The following ZNHIT6 variants were observed in gnomAD, a reference collection of about 807,000 sequenced individuals.
ZNHIT6 encodes the protein box C/D snoRNA protein 1.
A neutral mutation model predicts 57.2 loss-of-function variants in ZNHIT6; 45 were observed. That is an observed-to-expected ratio of 0.79 (90% CI 0.62 to 1.01). The LOEUF (loss-of-function observed/expected upper bound fraction) is 1.01. Among genes scored for constraint, ZNHIT6 ranks in the 50% least tolerant of loss-of-function variants. The pLI is 0.00. For synonymous variants in ZNHIT6, 188 were observed against 190.0 expected (o/e 0.99, Z 0.09); for missense variants, 528 against 567.3 (o/e 0.93, Z 0.70).
rs1429921905 is a variant in ZNHIT6, at chr1:85,706,484, T to G, written c.680A>C (p.Glu227Ala). The change falls in exon 2 of 10, where the codon GAA becomes GCA. Residue 227 changes from glutamate (E) to alanine (A), a missense_variant. By Grantham distance (107) the Glu-to-Ala change is moderately radical. Coordinates refer to ENST00000370574, the MANE Select transcript of ZNHIT6 (RefSeq NM_017953.4). ...ACAACGTGGACATCTGTACTTTGCT[T>G]CTTCTGTACCACAAGTCTCACACCT... ...MSRCETCGTEEAKYRCPRCMR... is the reference protein window; with the variant it reads ...MSRCETCGTEAAKYRCPRCMR... 6.3e-7 allele frequency: 1 copy of G among 1,587,650 alleles called. No individual in the cohort carries two copies. Among genetic ancestry groups the G allele is most frequent in the African/African-American group, 1.4e-5 (1 of 73,142 alleles).
intron 5 of ZNHIT6, among the ~76,000 whole-genome samples, chr1:85,694,824 A>G (rs1470905338): frequency 6.6e-6 from 1 of 152,216 alleles, no homozygotes; most frequent in Non-Finnish European, 1.5e-5. Flanking sequence ...TATAAAATTC[A>G]AAGTTAGGGG....
chr1:85,683,606 C>T (rs1157049648), intron 5 of ZNHIT6, among the ~76,000 whole-genome samples: 5 of 151,668 alleles, frequency 3.3e-5, no homozygotes, highest in Admixed American at 2.0e-4. Flanking sequence ...GCTGAAATTA[C>T]TGTAAGTCCT....
At position 85,702,185 on chromosome 1, in the gene ZNHIT6, T is replaced by C; in HGVS notation, c.991A>G (p.Lys331Glu). Reference sequence around the variant, plus strand: ...TTATCAAAAAAGGTTGAATTCTCCTTCCTCTTGGTGAATCCATTGGGTAGA... The same window carrying C: ...TTATCAAAAAAGGTTGAATTCTCCTCCCTCTTGGTGAATCCATTGGGTAGA... The part of the protein sequence containing the change: ...KLLPNGFTKR[K>E]ENSTFFDKKK... The change falls in exon 5 of 10, where the codon AAG becomes GAG. Residue 331 changes from lysine to glutamate, a missense_variant. Transcript: ENST00000370574. 1.9e-6 allele frequency: 3 copies of C among 1,607,356 alleles called. No homozygotes were observed. Among genetic ancestry groups the C allele is most frequent in the Non-Finnish European group, 2.5e-6 (3 of 1,178,228 alleles).
intron 5 of ZNHIT6, among the ~76,000 whole-genome samples, chr1:85,694,156 C>T (rs991145540): frequency 6.6e-6 from 1 of 152,124 alleles, no homozygotes; most frequent in Admixed American, 6.5e-5. Context: ...CTGGATTATA[C>T]AGGTGCATGT....
chr1:85,673,926 C>A (rs1053634695), intron 8 of ZNHIT6, among the ~76,000 whole-genome samples: 1 of 152,130 alleles, frequency 6.6e-6, no homozygotes, highest in Non-Finnish European at 1.5e-5. Flanking sequence ...CTTATGACTA[C>A]AAAATACTTA....
At chr1:85,665,741 T>C (rs1297293150) in intron 8 of ZNHIT6, among the ~76,000 whole-genome samples, 4 of 152,200 alleles carry the variant, frequency 2.6e-5, no homozygotes, top group African/African-American at 9.6e-5. Flanking sequence ...GTCTCATCAG[T>C]ACAGACTCTT....
chr1:85,683,330 C>A (rs933566970), intron 5 of ZNHIT6, among the ~76,000 whole-genome samples: 16 of 152,030 alleles, frequency 1.1e-4, no homozygotes, highest in African/African-American at 3.9e-4. Context: ...CATCCTGGCT[C>A]ACATGGTGAA....
chr1:85,673,059 G>C (rs978635826), intron 8 of ZNHIT6, among the ~76,000 whole-genome samples: 3 of 152,118 alleles, frequency 2.0e-5, no homozygotes, highest in African/African-American at 7.2e-5. Flanking sequence ...GGCTTTTCTA[G>C]TCCAAAACCA....
chr1:85,687,296 A>C (rs1193350614), intron 5 of ZNHIT6, among the ~76,000 whole-genome samples: 1 of 132,894 alleles, frequency 7.5e-6, no homozygotes, highest in Non-Finnish European at 1.6e-5. Flanking sequence ...AACAAAAAAA[A>C]AACAAAAAAA....
chr1:85,704,227 T>C (rs993201160), intron 4 of ZNHIT6, among the ~76,000 whole-genome samples: 6 of 152,184 alleles, frequency 3.9e-5, no homozygotes, highest in South Asian at 4.1e-4. Context: ...TCTAGGCAAA[T>C]TGAAGATATG....
In ZNHIT6 at chr1:85,650,894, C is replaced by G. The variant is rs1037971804; in HGVS notation, c.*3164G>C. The G allele has an allele frequency of 6.6e-6, 1 of 152,186 alleles. No homozygotes were observed. Among genetic ancestry groups the G allele is most frequent in the Non-Finnish European group, 1.5e-5 (1 of 68,032 alleles). The allele number at this position is 152,186 out of a possible 1,614,324, so 9.4% of individuals were successfully genotyped here. A position where few individuals can be genotyped will look rare whatever the true frequency, so the allele number is the denominator to read the frequency against. ...GTGGGATCTATCTGCCCCCATGACC[C>G]AAACACCTTCCATTAGGCTCTGCCT... On this transcript the variant is annotated 3_prime_UTR_variant, in exon 10 of 10. Transcript: ENST00000370574.
Position 85,654,060 on chromosome 1 carries a change from A to G in ZNHIT6, c.1411T>C (p.Ter471ArgextTer40). 1.9e-6 allele frequency: 3 copies of G among 1,612,474 alleles called. No homozygotes were observed. Among genetic ancestry groups the G allele is most frequent in the Non-Finnish European group, 2.5e-6 (3 of 1,179,262 alleles). Residue 471 changes from the stop codon to arginine (R), a stop_lost, in exon 10 of 10, where the codon TGA (stop) becomes CGA (arginine). Transcript: ENST00000370574. ...CTTTCTTCTTCCAGAAAAAATGCTC[A>G]ATTTTCATTGCCAACGTTCTTGGTA... is the stretch of plus-strand genomic sequence containing the variant. ...ESTKNVGNEN[*>R]
At chr1:85,693,034 A>G (rs1314812041) in intron 5 of ZNHIT6, among the ~76,000 whole-genome samples, 1 of 152,208 alleles carries the variant, frequency 6.6e-6, no homozygotes, top group Non-Finnish European at 1.5e-5. Context: ...ACACAGAGCT[A>G]AAGAACCCTA....
chr1:85,654,004 A>C lies in ZNHIT6; in HGVS notation c.*54T>G. On this transcript the variant is annotated 3_prime_UTR_variant, in exon 10 of 10. Coordinates refer to ENST00000370574, the MANE Select transcript of ZNHIT6 (RefSeq NM_017953.4). ...CAATCAGCCAACAGCCCATCAATGC[A>C]GAGTCTGCTGCAGTTGTCTGGAAGT... is the stretch of plus-strand genomic sequence containing the variant. 2.7e-5 allele frequency: 40 copies of C among 1,505,000 alleles called. No homozygotes were observed. The highest frequency in any genetic ancestry group is 3.4e-5 in the Non-Finnish European group (37 of 1,086,930). The allele number at this position is 1,505,000 out of a possible 1,614,324, so 93.2% of individuals were successfully genotyped here.
rs1557861168 is a variant in ZNHIT6 at position 85,687,304 on chromosome 1, AAAAAAAAC to A, written c.1020-6408_1020-6401del. Reference sequence around the variant, plus strand: ...CTCAAAAAACAAAAAAAAAACAAAAAAAAAAAACAATTTAGAACCCAGTACTCAAAAAT... The same window carrying A: ...CTCAAAAAACAAAAAAAAAACAAAAAAATTTAGAACCCAGTACTCAAAAAT... On this transcript the variant is annotated intron_variant, in intron 5 of 9. Transcript: ENST00000370574. Among the ~76,000 whole-genome samples the A allele has an allele frequency of 3.4e-4, 49 of 142,682 alleles. 7 individuals are homozygous for A. The East Asian group carries it at 5.3e-3, about 15-fold the overall frequency. The allele number at this position is 142,682 out of a possible 152,430, so 93.6% of individuals were successfully genotyped here. A position where few individuals can be genotyped will look rare whatever the true frequency, so the allele number is the denominator to read the frequency against.
chr1:85,667,962 A>AAAAAAAAAAAAAAAAATG lies in ZNHIT6; in HGVS notation c.1247+9273_1247+9274insCATTTTTTTTTTTTTTTT, dbSNP rs1553155846. 2.3e-3 allele frequency among the ~76,000 whole-genome samples: 51 copies of AAAAAAAAAAAAAAAAATG among 22,020 alleles called. 3 individuals are homozygous for AAAAAAAAAAAAAAAAATG. The highest frequency in any genetic ancestry group is 5.0e-3 in the African/African-American group (38 of 7,602). 14.4% of individuals were successfully genotyped at this position (22,020 alleles called of 152,430 possible). Reference sequence around the variant, plus strand: ...CTCTCTCTTTCAAAAAAAAAAAAAAATATATATATATATATATATATATGC... The same window carrying AAAAAAAAAAAAAAAAATG: ...CTCTCTCTTTCAAAAAAAAAAAAAAAAAAAAAAAAAAAAAAATGTATATATATATATATATATATATGC... On this transcript the variant is annotated intron_variant, in intron 8 of 9. Coordinates refer to ENST00000370574, the MANE Select transcript of ZNHIT6 (RefSeq NM_017953.4).
At chr1:85,680,945 T>C in intron 5 of ZNHIT6, 41 bp from the exon 6 acceptor site, 1 of 1,481,502 alleles carries the variant, frequency 6.7e-7, no homozygotes, top group Non-Finnish European at 9.3e-7. Flanking sequence ...AGGTAGATAA[T>C]AAAAGTCTGG....
At chr1:85,680,465 T>A (rs534252682) in intron 6 of ZNHIT6, among the ~76,000 whole-genome samples, 15 of 152,314 alleles carry the variant, frequency 9.8e-5, no homozygotes, top group Non-Finnish European at 1.6e-4. Context: ...ATCCCTCTCC[T>A]CAATACTTGC....
chr1:85,697,441 T>C (rs1662408485), intron 5 of ZNHIT6, among the ~76,000 whole-genome samples: 1 of 152,228 alleles, frequency 6.6e-6, no homozygotes, highest in South Asian at 2.1e-4. Flanking sequence ...AGTAAAAGAT[T>C]CAGCATTTCC....
Sources: gnomAD v4.1 joint callset for allele counts (sites outside exome capture counted in the v4.1 genomes callset) on GRCh38, gnomAD v4.1.1 for gene constraint, MANE v1.5 for transcripts, NCBI Gene and HGNC (gene_info 2026-07-23, HGNC 2026-07-21) for gene names.